TNRC6A: variants seen among roughly 807,000 people sequenced by gnomAD.
TNRC6A encodes the protein trinucleotide repeat-containing gene 6A protein.
In TNRC6A, 44 loss-of-function variants were observed where a neutral mutation model predicts 221.2. The observed-to-expected ratio is 0.20, with a 90% CI of 0.16 to 0.26. TNRC6A has a LOEUF of 0.26. Ranked by LOEUF, TNRC6A falls within the 10% of genes least tolerant of loss-of-function variation. The pLI, the probability that TNRC6A is intolerant of heterozygous loss-of-function variation, is 1.00. For missense variants in TNRC6A, 2,199 were observed against 2,404.4 expected (o/e 0.91, Z 1.79); for synonymous variants, 847 against 838.5 (o/e 1.01, Z -0.18).
intron 2 of TNRC6A, chr16:24,662,437 T>TCGTG (rs2055055290): frequency 6.6e-6 from 1 of 151,870 alleles, no homozygotes. Flanking sequence ...TGAGCCATGA[T>TCGTG]CGTGCCGCTG....
chr16:24,739,109 G>A (rs966285345), intron 2 of TNRC6A, among the ~76,000 whole-genome samples: 5 of 152,202 alleles, frequency 3.3e-5, no homozygotes, highest in African/African-American at 4.8e-5. Flanking sequence ...TGTTTGCAAA[G>A]CAGCTGCACA....
At chr16:24,739,478 C>CTTTTT (rs71383710) in intron 2 of TNRC6A, among the ~76,000 whole-genome samples, 4 of 118,292 alleles carry the variant, frequency 3.4e-5, no homozygotes, top group Non-Finnish European at 5.0e-5. Context: ...TTTCCTTTCA[C>CTTTTT]TTTTTTTTTT....
intron 2 of TNRC6A, among the ~76,000 whole-genome samples, chr16:24,655,619 G>T (rs576214670): frequency 9.9e-4 from 151 of 152,086 alleles, no homozygotes; most frequent in Non-Finnish European, 1.7e-3. Flanking sequence ...AACCTGGGAG[G>T]CGGAGGTTGC....
At chr16:24,661,844 C>T (rs1306580963) in intron 2 of TNRC6A, 2 of 152,152 alleles carry the variant, frequency 1.3e-5, no homozygotes, top group Non-Finnish European at 2.9e-5. Context: ...GAAACAGAGA[C>T]ACGATCATGT....
At chr16:24,644,408 C>T (rs945178581) in intron 2 of TNRC6A, among the ~76,000 whole-genome samples, 4 of 151,996 alleles carry the variant, frequency 2.6e-5, no homozygotes. Flanking sequence ...AATCCTCCCG[C>T]CCCGGCCAAG....
chr16:24,695,217 G>C (rs1052492301), intron 2 of TNRC6A, among the ~76,000 whole-genome samples: 2 of 152,042 alleles, frequency 1.3e-5, no homozygotes, highest in South Asian at 2.1e-4. Flanking sequence ...GTCAGGCAGC[G>C]AGCCAGTGGT....
chr16:24,684,590 G>A (rs1012623853), intron 2 of TNRC6A, among the ~76,000 whole-genome samples: 1 of 152,116 alleles, frequency 6.6e-6, no homozygotes, highest in African/African-American at 2.4e-5. Flanking sequence ...AGGATCACTT[G>A]AGGCCAGGAG....
At chr16:24,651,598 C>G (rs1596598172) in intron 2 of TNRC6A, among the ~76,000 whole-genome samples, 2 of 150,530 alleles carry the variant, frequency 1.3e-5, no homozygotes, top group East Asian at 1.9e-4. Flanking sequence ...GTGACTCACC[C>G]CTGTAATCCC....
intron 4 of TNRC6A, chr16:24,776,618 G>T (rs2057722940): frequency 1.0e-6 from 1 of 985,288 alleles, no homozygotes; most frequent in African/African-American, 1.7e-5. Flanking sequence ...CGAGTTCCCT[G>T]GTTTTGTAAT....
chr16:24,797,855 TTTTA>T, intron 10 of TNRC6A, 56 bp from the exon 11 acceptor site: 1 of 1,463,292 alleles, frequency 6.8e-7, no homozygotes, highest in Non-Finnish European at 9.3e-7. Context: ...ATTCTTCATT[TTTTA>T]TTTGTTTTCA....
intron 9 of TNRC6A, 120 bp from the exon 10 acceptor site, chr16:24,797,370 A>T (rs1164216980): frequency 1.5e-6 from 1 of 654,410 alleles, no homozygotes; most frequent in Admixed American, 3.3e-5. Flanking sequence ...AGTTGATTGG[A>T]GGAGAAATTA....
At position 24,805,074 on chromosome 16, in the gene TNRC6A, C is replaced by A; in HGVS notation, c.4045C>A (p.Gln1349Lys). ...AGCAGCACAACCCCGGGGCATGCAGCAGCCTCCAGCACAACCTCTTAGTTC... is the reference window on the plus strand; with the variant it reads ...AGCAGCACAACCCCGGGGCATGCAGAAGCCTCCAGCACAACCTCTTAGTTC... Reference protein sequence around the residue: ...NTAAQPRGMQQPPAQPLSSSQ... With the variant: ...NTAAQPRGMQKPPAQPLSSSQ... Residue 1349 changes from glutamine to lysine, a missense_variant, in exon 14 of 25, where the codon CAG (glutamine) becomes AAG (lysine). Gln to Lys is a moderately conservative substitution (Grantham distance 53). This residue lies in a region of TNRC6A where 449 missense variants were observed against 579.7 expected (regional missense o/e 0.77). Coordinates refer to ENST00000395799, the MANE Select transcript of TNRC6A (RefSeq NM_014494.4). 6.2e-7 allele frequency: 1 copy of A among 1,614,206 alleles called. No individual in the cohort carries two copies. Among genetic ancestry groups the A allele is most frequent in the Non-Finnish European group, 8.5e-7 (1 of 1,180,036 alleles).
intron 2 of TNRC6A, among the ~76,000 whole-genome samples, chr16:24,746,835 A>G (rs1287577012): frequency 6.6e-6 from 1 of 152,200 alleles, no homozygotes; most frequent in Non-Finnish European, 1.5e-5. Context: ...GCGCAAGAGT[A>G]GGAAGGGGCA....
intron 1 of TNRC6A, among the ~76,000 whole-genome samples, chr16:24,611,435 A>G (rs1426477045): frequency 6.6e-6 from 1 of 152,060 alleles, no homozygotes; most frequent in Non-Finnish European, 1.5e-5. Flanking sequence ...TTGGCTCCAC[A>G]CCCCAGCTCA....
intron 15 of TNRC6A, 96 bp from the exon 16 acceptor site, chr16:24,806,110 C>T (rs1386110530): frequency 3.8e-5 from 52 of 1,369,190 alleles, no homozygotes; most frequent in Non-Finnish European, 5.0e-5. Context: ...GGCTAGATCA[C>T]GTCGTGCCTC....
intron 2 of TNRC6A, among the ~76,000 whole-genome samples, chr16:24,648,591 C>G (rs1902443259): frequency 6.6e-6 from 1 of 152,114 alleles, no homozygotes; most frequent in Admixed American, 6.6e-5. Flanking sequence ...TTTTACAGTC[C>G]CACCAGCAAG....
Position 24,771,582 on chromosome 16 carries a change from T to TTTTATGTTATGTTATGTTGTGA in TNRC6A, c.164-5350_164-5349insTTATGTTATGTTATGTTGTGAT. On this transcript the variant is annotated intron_variant, in intron 4 of 24. Transcript: ENST00000395799. ...ATGTTTTATGTTATGTTATGTTATG[T>TTTTATGTTATGTTATGTTGTGA]TGTTATGTTATGTTATGTTATGTTA... 5.3e-4 allele frequency among the ~76,000 whole-genome samples: 51 copies of TTTTATGTTATGTTATGTTGTGA among 95,536 alleles called. 1 individual carries two copies. Among genetic ancestry groups the TTTTATGTTATGTTATGTTGTGA allele is most frequent in the African/African-American group, 1.6e-3 (37 of 23,012 alleles). 62.7% of individuals were successfully genotyped at this position (95,536 alleles called of 152,430 possible). A position where few individuals can be genotyped will look rare whatever the true frequency, so the allele number is the denominator to read the frequency against.
intron 2 of TNRC6A, among the ~76,000 whole-genome samples, chr16:24,749,140 G>T (rs1314295823): frequency 6.6e-6 from 1 of 152,178 alleles, no homozygotes; most frequent in Non-Finnish European, 1.5e-5. Flanking sequence ...TATTTTGGTT[G>T]TTGGTATTAT....
intron 2 of TNRC6A, among the ~76,000 whole-genome samples, chr16:24,738,032 G>A (rs1185745973): frequency 6.6e-6 from 1 of 152,160 alleles, no homozygotes; most frequent in African/African-American, 2.4e-5. Flanking sequence ...CAAAGATAGG[G>A]TCATAAAATG....
Sources: gnomAD v4.1 joint callset for allele counts (sites outside exome capture counted in the v4.1 genomes callset) on GRCh38, gnomAD v4.1.1 for gene constraint, gnomAD v4.1.1 regional missense constraint, MANE v1.5 for transcripts, NCBI Gene and HGNC (gene_info 2026-07-23, HGNC 2026-07-21) for gene names.